PCDHA3: variants seen among roughly 807,000 people sequenced by gnomAD.
PCDHA3 encodes protocadherin alpha-3.
PCDHA3 carries 41 observed loss-of-function variants against 62.2 expected under a neutral mutation model. The ratio of observed to expected loss-of-function variants is 0.66; its 90% CI spans 0.51 to 0.86. The LOEUF (loss-of-function observed/expected upper bound fraction) is 0.86, where lower values mean the gene tolerates loss of function less well. Among genes scored for constraint, PCDHA3 ranks in the 40% least tolerant of loss-of-function variants. The pLI is 0.00. For synonymous variants in PCDHA3, 640 were observed against 555.4 expected, an observed-to-expected ratio of 1.15 and a Z score of -2.14; for missense variants, 1,304 against 1,241.2, an observed-to-expected ratio of 1.05 and a Z score of -0.76.
chr5:140,857,626 G>A (rs536509917), intron 1 of PCDHA3: 1 of 1,596,672 alleles, frequency 6.3e-7, no homozygotes, highest in South Asian at 1.1e-5. Context: ...ACCACGAGGA[G>A]CTGGAGCTGC....
Position 140,802,712 on chromosome 5 carries a change from G to A in PCDHA3, c.1515G>A (p.Ser505=). ...VERRVGERAL[S]SYVSVHAESG... is the part of the protein sequence containing the mutation. ...GGCGGGTGGGGGAGCGCGCGCTGTC[G>A]AGCTACGTGTCGGTACACGCGGAGA... The change falls in exon 1 of 4, where the codon TCG becomes TCA. Residue 505 remains serine, a synonymous_variant. Coordinates refer to ENST00000522353, the MANE Select transcript of PCDHA3 (RefSeq NM_018906.3). The A allele has an allele frequency of 1.2e-6, 2 of 1,612,524 alleles. No individual in the cohort carries two copies. The highest frequency in any genetic ancestry group is 1.7e-6 in the Non-Finnish European group (2 of 1,179,788).
intron 1 of PCDHA3, chr5:140,828,223 C>A (rs1417761655): frequency 1.2e-6 from 2 of 1,613,878 alleles, no homozygotes; most frequent in African/African-American, 2.7e-5. Context: ...ACGGCACCTT[C>A]GTGGGCCGGA....
At chr5:140,992,471 A>G (rs1563581785) in intron 3 of PCDHA3, among the ~76,000 whole-genome samples, 1 of 152,186 alleles carries the variant, frequency 6.6e-6, no homozygotes, top group Non-Finnish European at 1.5e-5. Context: ...TACTCTTTAG[A>G]TCACCCAGAG....
At chr5:140,862,592 A>T (rs1554156626) in intron 1 of PCDHA3, 1 of 507,612 alleles carries the variant, frequency 2.0e-6, no homozygotes, top group Non-Finnish European at 4.0e-6. Context: ...CAGCCCGAGT[A>T]CATGGTGTTC....
chr5:140,907,790 A>G (rs2073612747), intron 1 of PCDHA3, among the ~76,000 whole-genome samples: 1 of 152,178 alleles, frequency 6.6e-6, no homozygotes, highest in African/African-American at 2.4e-5. Context: ...CTGGGGAAAG[A>G]GGCTAAGTGG....
At chr5:140,883,240 C>G in intron 1 of PCDHA3, 1 of 1,613,998 alleles carries the variant, frequency 6.2e-7, no homozygotes, top group Non-Finnish European at 8.5e-7. Context: ...AGGCAGTTGA[C>G]AAAGGAAATA....
chr5:140,870,891 G>A, intron 1 of PCDHA3: 2 of 1,613,964 alleles, frequency 1.2e-6, no homozygotes, highest in Non-Finnish European at 1.7e-6. Flanking sequence ...TGCGCGCAGT[G>A]GATGCGGACT....
chr5:140,908,351 AACTT>A (rs1422870011), intron 1 of PCDHA3, among the ~76,000 whole-genome samples: 5 of 152,154 alleles, frequency 3.3e-5, no homozygotes, highest in African/African-American at 1.2e-4. Context: ...TACCTCATGT[AACTT>A]ACTTGTGCCT....
rs547873702 is a variant in PCDHA3 at position 140,879,516 on chromosome 5, T to C, written c.2394+75925T>C. 3.3e-5 allele frequency among the ~76,000 whole-genome samples: 5 copies of C among 152,322 alleles called. No homozygotes were observed. The East Asian group carries it at 7.7e-4, about 23-fold the overall frequency. On this transcript the variant is annotated intron_variant, in intron 1 of 3. Transcript: ENST00000522353. The stretch of plus-strand genomic sequence containing the variant: ...TGGATCTCAGAAGAGATTATTGATA[T>C]AGATTTTGGGAACAACTCCTTTAGA...
intron 1 of PCDHA3, among the ~76,000 whole-genome samples, chr5:140,881,010 T>A (rs782629592): frequency 1.3e-5 from 2 of 152,198 alleles, no homozygotes; most frequent in Admixed American, 1.3e-4. Context: ...AGCAGAGCTA[T>A]GGAAATAAAC....
chr5:140,816,140 G>C (rs1274988778), intron 1 of PCDHA3: 2 of 152,092 alleles, frequency 1.3e-5, no homozygotes, highest in East Asian at 3.8e-4. Flanking sequence ...ATAATGAGTA[G>C]AGCAGCCTGC....
rs150677637 is a variant in PCDHA3, at chr5:140,857,404, T to A, written c.2394+53813T>A. Reference sequence around the variant, plus strand: ...TGGCCGACGTGAACGACAACGCGCCTGCGTTCGCGCAGTCCGAGTACACGG... The same window carrying A: ...TGGCCGACGTGAACGACAACGCGCCAGCGTTCGCGCAGTCCGAGTACACGG... On this transcript the variant is annotated intron_variant, in intron 1 of 3. Transcript: ENST00000522353. 5,154 of 1,597,952 alleles carry A rather than the reference T, an allele frequency of 3.2e-3. 410 individuals carry two copies. In the African/African-American group the frequency reaches 0.057, roughly 18 times the overall value.
chr5:140,822,802 A>G, intron 1 of PCDHA3: 3 of 1,614,170 alleles, frequency 1.9e-6, no homozygotes, highest in Middle Eastern at 3.3e-4. Flanking sequence ...CCTGGATGTG[A>G]ATGATAATAC....
intron 1 of PCDHA3, among the ~76,000 whole-genome samples, chr5:140,933,174 A>G (rs1400055066): frequency 2.0e-5 from 3 of 151,742 alleles, no homozygotes; most frequent in Non-Finnish European, 3.0e-5. Context: ...AATTGATGGC[A>G]TAAGATAATG....
intron 1 of PCDHA3, chr5:140,883,107 C>T: frequency 6.2e-7 from 1 of 1,614,064 alleles, no homozygotes. Context: ...ATAGTTTACT[C>T]ATTTAGAAGG....
intron 1 of PCDHA3, among the ~76,000 whole-genome samples, chr5:140,972,711 T>A (rs2096551404): frequency 6.7e-6 from 1 of 148,680 alleles, no homozygotes; most frequent in Non-Finnish European, 1.5e-5. Context: ...GTTGCCAGGC[T>A]GGAGTGCAGT....
intron 1 of PCDHA3, chr5:140,836,027 C>G: frequency 6.2e-7 from 1 of 1,613,456 alleles, no homozygotes; most frequent in Non-Finnish European, 8.5e-7. Context: ...TGGGCAGCAA[C>G]GTGACGCTGC....
intron 3 of PCDHA3, among the ~76,000 whole-genome samples, chr5:140,993,754 A>T (rs1253767297): frequency 6.6e-6 from 1 of 152,170 alleles, no homozygotes; most frequent in African/African-American, 2.4e-5. Context: ...ACTTGCCATT[A>T]TATTACAATT....
chr5:140,836,112 G>C, intron 1 of PCDHA3: 1 of 1,613,758 alleles, frequency 6.2e-7, no homozygotes. Flanking sequence ...TGGTGGCGCA[G>C]TGAGAGAGCT....
Sources: gnomAD v4.1 joint callset for allele counts (sites outside exome capture counted in the v4.1 genomes callset) on GRCh38, gnomAD v4.1.1 for gene constraint, MANE v1.5 for transcripts, NCBI Gene and HGNC (gene_info 2026-07-23, HGNC 2026-07-21) for gene names.